Variants in COBL observed in about 807,000 individuals in gnomAD.
COBL encodes the protein protein cordon-bleu.
Under a neutral mutation model 98.8 loss-of-function variants are expected in COBL, and 51 were observed. The ratio of observed to expected loss-of-function variants is 0.52; its 90% CI spans 0.41 to 0.65. The LOEUF (loss-of-function observed/expected upper bound fraction) is 0.65. COBL is among the 30% of genes least tolerant of loss of function. The probability of loss-of-function intolerance (pLI) is 0.00; values close to 1 mark genes in which losing one functional copy is unlikely to be tolerated. For missense variants in COBL, 1,617 were observed against 1,617.5 expected (o/e 1.00, Z 0.01); for synonymous variants, 634 against 651.7 (o/e 0.97, Z 0.41).
chr7:51,016,893 G>A lies in COBL; in HGVS notation c.*658C>T. 1 of 399,760 alleles carries A rather than the reference G, an allele frequency of 2.5e-6. No homozygotes were observed. Among genetic ancestry groups the A allele is most frequent in the Admixed American group, 4.4e-5 (1 of 22,828 alleles). The allele number at this position is 399,760 out of a possible 1,614,324, so 24.8% of individuals were successfully genotyped here. A position where few individuals can be genotyped will look rare whatever the true frequency, so the allele number is the denominator to read the frequency against. ...CCTGGCCACATGATCACGTAGGACT[G>A]TTTTCTGGGTGGTAATAGTTGATTT... is the stretch of plus-strand genomic sequence containing the variant. On this transcript the variant is annotated 3_prime_UTR_variant, in exon 13 of 13. Coordinates refer to ENST00000265136, the MANE Select transcript of COBL (RefSeq NM_015198.5).
At position 51,219,769 on chromosome 7, in the gene COBL, G is replaced by A. The variant is rs144741629; in HGVS notation, c.217C>T (p.Leu73=). ...MDVTVVLPSG[L]EKRSVLNGSH... The stretch of plus-strand genomic sequence containing the variant: ...CCATTGAGCACGCTCCTCTTCTCCA[G>A]CCCACTAGGCAGGACCACGGTGACG... The change falls in exon 2 of 13, where the codon CTG becomes TTG. Residue 73 remains leucine, a synonymous_variant. Coordinates refer to ENST00000265136, the MANE Select transcript of COBL (RefSeq NM_015198.5). 3.0e-5 allele frequency: 49 copies of A among 1,613,958 alleles called. No individual in the cohort carries two copies. The African/African-American group carries it at 5.1e-4, about 17-fold the overall frequency.
rs532647580 is a variant in COBL at position 51,175,088 on chromosome 7, G to T, written c.783+9014C>A. On this transcript the variant is annotated intron_variant, in intron 5 of 12. Transcript: ENST00000265136. Reference sequence around the variant, plus strand: ...TTTCACCTGGGCTGCCCTTTCCACTGCTCCCTTTCTGGAATGGAGGTTCTA... The same window carrying T: ...TTTCACCTGGGCTGCCCTTTCCACTTCTCCCTTTCTGGAATGGAGGTTCTA... 9.6e-4 allele frequency among the ~76,000 whole-genome samples: 146 copies of T among 152,318 alleles called. 1 individual carries two copies. Among genetic ancestry groups the T allele is most frequent in the Middle Eastern group, 6.8e-3 (2 of 294 alleles).
At chr7:51,214,116 A>G (rs1563047435) in intron 2 of COBL, among the ~76,000 whole-genome samples, 1 of 151,902 alleles carries the variant, frequency 6.6e-6, no homozygotes, top group Non-Finnish European at 1.5e-5. Context: ...AAATGCAAAT[A>G]TTAGCTGGAC....
intron 5 of COBL, among the ~76,000 whole-genome samples, chr7:51,173,264 C>T (rs1788057474): frequency 6.6e-6 from 1 of 151,886 alleles, no homozygotes; most frequent in South Asian, 2.1e-4. Context: ...TCACTGCAAC[C>T]TCTACCTCCC....
intron 1 of COBL, among the ~76,000 whole-genome samples, chr7:51,301,263 G>A (rs190207832): frequency 2.0e-4 from 30 of 152,296 alleles, no homozygotes; most frequent in African/African-American, 6.7e-4. Context: ...CTTCTGGGCA[G>A]GCAGCACCCT....
rs1232558098 is a variant in COBL, at chr7:51,017,373, T to C, written c.*178A>G. 3.0e-6 allele frequency: 2 copies of C among 657,760 alleles called. No individual in the cohort carries two copies. The highest frequency in any genetic ancestry group is 5.5e-6 in the Non-Finnish European group (2 of 364,560). The allele number at this position is 657,760 out of a possible 1,614,324, so 40.7% of individuals were successfully genotyped here. A position where few individuals can be genotyped will look rare whatever the true frequency, so the allele number is the denominator to read the frequency against. On this transcript the variant is annotated 3_prime_UTR_variant, in exon 13 of 13. Transcript: ENST00000265136. ...ACACGAGCTGCGCAGCGACACAGCA[T>C]CTTCTCCTTTCCTTTCAAGCCGTTA...
intron 1 of COBL, among the ~76,000 whole-genome samples, chr7:51,289,963 C>A (rs1800734032): frequency 6.6e-6 from 1 of 152,148 alleles, no homozygotes; most frequent in African/African-American, 2.4e-5. Flanking sequence ...TATTTTTGTT[C>A]ATCCTCCTGC....
rs981160810 is a variant in COBL at position 51,196,206 on chromosome 7, A to C, written c.246-2617T>G. Among the ~76,000 whole-genome samples, 4 of 152,202 alleles carry C rather than the reference A, an allele frequency of 2.6e-5. No individual in the cohort carries two copies. The South Asian group carries it at 8.3e-4, about 32-fold the overall frequency. On this transcript the variant is annotated intron_variant, in intron 2 of 12. Coordinates refer to ENST00000265136, the MANE Select transcript of COBL (RefSeq NM_015198.5). ...TAGTTTATTCAGAGTTTTTAACATG[A>C]AGGGATGTTGAATTTTATCAAAAGC... is the stretch of plus-strand genomic sequence containing the variant.
At chr7:51,284,434 C>A (rs112555521) in intron 1 of COBL, among the ~76,000 whole-genome samples, 121 of 151,914 alleles carry the variant, frequency 8.0e-4, no homozygotes, top group African/African-American at 2.8e-3. Context: ...AAATCACATG[C>A]GTGTATCAAT....
In COBL at chr7:51,085,265, G is replaced by GCTT; in HGVS notation, c.994_996dup (p.Lys332dup). On this transcript the variant is annotated inframe_insertion, in exon 7 of 13. Transcript: ENST00000265136. The stretch of plus-strand genomic sequence containing the variant: ...GGTGGAGGGGGAGCTGGCGCTCGCC[G>GCTT]CTTCTTCTTCTGTAAATCAATCTGT... 1 of 1,585,112 alleles carries GCTT rather than the reference G, an allele frequency of 6.3e-7. No individual in the cohort carries two copies. The highest frequency in any genetic ancestry group is 8.6e-7 in the Non-Finnish European group (1 of 1,165,630).
At chr7:51,061,950 TACACACACAC>T (rs3047134) in intron 7 of COBL, among the ~76,000 whole-genome samples, 62,654 of 145,442 alleles carry the variant, frequency 0.43, 15,638 homozygotes, top group Non-Finnish European at 0.58. Flanking sequence ...CCACCATAGA[TACACACACAC>T]ACACACACAC....
Position 51,027,839 on chromosome 7 carries a change from G to C in COBL, c.3257C>G (p.Pro1086Arg). 2 of 1,614,218 alleles carry C rather than the reference G, an allele frequency of 1.2e-6. No homozygotes were observed. Among genetic ancestry groups the C allele is most frequent in the Non-Finnish European group, 1.7e-6 (2 of 1,180,044 alleles). ...TTTTTTCTTCGGCCCAAAAATGCTG[G>C]GTGGCCAAATACTGTCTGTTTCATT... ...DGNETDSIWP[P>R]SIFGPKKKFK... The change falls in exon 10 of 13, where the codon CCC becomes CGC. Residue 1086 changes from proline (P) to arginine (R), a missense_variant. This residue lies in a region of COBL where 1,304 missense variants were observed against 1,282.0 expected (regional missense o/e 1.02). Transcript: ENST00000265136.
intron 1 of COBL, among the ~76,000 whole-genome samples, chr7:51,222,634 T>C (rs536332849): frequency 1.1e-4 from 16 of 152,216 alleles, no homozygotes; most frequent in African/African-American, 3.9e-4. Context: ...AGCTTATGGA[T>C]TCTTTCATTA....
At chr7:51,117,192 TTTC>T (rs1430652411) in intron 6 of COBL, among the ~76,000 whole-genome samples, 5 of 125,146 alleles carry the variant, frequency 4.0e-5, no homozygotes, top group Non-Finnish European at 3.5e-5. Flanking sequence ...TATGCACAGT[TTTC>T]TTCTTATTTA....
At position 51,028,926 on chromosome 7, in the gene COBL, C is replaced by A; in HGVS notation, c.2170G>T (p.Val724Leu). The stretch of plus-strand genomic sequence containing the variant: ...TTAATGGCTCCGGTGGAGAGGGACA[C>A]ATCTCTGTCGTAACATCGCATCTCT... ...KSEMRCYDRD[V>L]SLSTGAIKID... is the part of the protein sequence containing the mutation. The change falls in exon 10 of 13, where the codon GTG becomes TTG. Residue 724 changes from valine to leucine, a missense_variant. Val to Leu is a conservative substitution (Grantham distance 32). Coordinates refer to ENST00000265136, the MANE Select transcript of COBL (RefSeq NM_015198.5). 6.2e-7 allele frequency: 1 copy of A among 1,614,218 alleles called. No homozygotes were observed. The highest frequency in any genetic ancestry group is 8.5e-7 in the Non-Finnish European group (1 of 1,180,046).
intron 1 of COBL, among the ~76,000 whole-genome samples, chr7:51,232,810 CA>C (rs886191673): frequency 2.0e-4 from 29 of 143,620 alleles, no homozygotes; most frequent in Middle Eastern, 3.5e-3. Flanking sequence ...GACCCCACCA[CA>C]AAAAAAAAAG....
intron 5 of COBL, among the ~76,000 whole-genome samples, chr7:51,183,432 G>A (rs1297222783): frequency 6.6e-6 from 1 of 151,852 alleles, no homozygotes; most frequent in Non-Finnish European, 1.5e-5. Flanking sequence ...GTAGTCAGAA[G>A]GCATTTATGG....
chr7:51,182,051 C>G (rs77424466), intron 5 of COBL, among the ~76,000 whole-genome samples: 1 of 152,008 alleles, frequency 6.6e-6, no homozygotes, highest in Non-Finnish European at 1.5e-5. Context: ...GTTTTTCTGG[C>G]CATTTCATCT....
intron 7 of COBL, among the ~76,000 whole-genome samples, chr7:51,083,443 G>A (rs1185854839): frequency 6.6e-6 from 1 of 152,146 alleles, no homozygotes; most frequent in Non-Finnish European, 1.5e-5. Context: ...TTTTACATAC[G>A]TAGTGTTCTA....
Sources: allele counts gnomAD v4.1 joint callset (sites outside exome capture counted in the v4.1 genomes callset), GRCh38; gene constraint gnomAD v4.1.1; regional missense constraint gnomAD v4.1.1; transcripts MANE v1.5; gene names NCBI Gene and HGNC (gene_info 2026-07-23, HGNC 2026-07-21).